Variants in PDE4D observed in about 807,000 individuals in gnomAD.
The protein encoded by PDE4D is 3',5'-cyclic-AMP phosphodiesterase 4D.
In PDE4D, 24 loss-of-function variants were observed where a neutral mutation model predicts 87.4. The observed-to-expected ratio is 0.27, with a 90% CI of 0.20 to 0.39. The LOEUF is 0.39. Ranked by LOEUF, PDE4D falls within the 10% of genes least tolerant of loss-of-function variation. The pLI is 1.00. For missense variants in PDE4D, 714 were observed against 1,041.0 expected (o/e 0.69, Z 4.32); for synonymous variants, 384 against 383.2 (o/e 1.00, Z -0.02).
At chr5:59,464,388 C>T (rs1044233519) in intron 1 of PDE4D, among the ~76,000 whole-genome samples, 2 of 152,224 alleles carry the variant, frequency 1.3e-5, no homozygotes, top group African/African-American at 2.4e-5. Flanking sequence ...GTGGGACATG[C>T]GGGCAGCAAT....
chr5:59,374,115 T>C (rs1784350074), intron 1 of PDE4D, among the ~76,000 whole-genome samples: 1 of 152,082 alleles, frequency 6.6e-6, no homozygotes, highest in Non-Finnish European at 1.5e-5. Context: ...AACAACCATA[T>C]AAACAAGTCT....
chr5:59,948,886 C>G (rs1347383557), intron 3 of PDE4D, among the ~76,000 whole-genome samples: 3 of 152,194 alleles, frequency 2.0e-5, no homozygotes, highest in Non-Finnish European at 4.4e-5. Flanking sequence ...TCTCCTTGGG[C>G]CCCAACTGGT....
chr5:59,555,754 C>T (rs1818800544), intron 1 of PDE4D, among the ~76,000 whole-genome samples: 1 of 152,106 alleles, frequency 6.6e-6, no homozygotes, highest in Non-Finnish European at 1.5e-5. Context: ...ACACCATTGA[C>T]AGTTTGGGAT....
intron 1 of PDE4D, among the ~76,000 whole-genome samples, chr5:59,880,827 C>T (rs183220526): frequency 1.3e-5 from 2 of 152,252 alleles, no homozygotes; most frequent in Middle Eastern, 6.8e-3. Flanking sequence ...TCCCTAAATA[C>T]ATTTTTTTCT....
chr5:59,659,393 G>A (rs1249921969), intron 1 of PDE4D, among the ~76,000 whole-genome samples: 3 of 152,220 alleles, frequency 2.0e-5, no homozygotes, highest in Admixed American at 6.5e-5. Flanking sequence ...CTTAGGAACT[G>A]AGTGTTAGTA....
Position 59,830,581 on chromosome 5 carries a change from T to A in PDE4D, c.455+62587A>T, listed in dbSNP as rs78730258. Among the ~76,000 whole-genome samples the A allele has an allele frequency of 7.3e-3, 1,108 of 152,238 alleles. 10 individuals carry two copies. Among genetic ancestry groups the A allele is most frequent in the Non-Finnish European group, 0.011 (723 of 67,968 alleles). On this transcript the variant is annotated intron_variant, in intron 1 of 14. Coordinates refer to ENST00000340635, the MANE Select transcript of PDE4D (RefSeq NM_001104631.2). ...TATCTTTGTTATTGTCATCATCATC[T>A]TCATGTAGCCTTTACCAAATACCTT...
chr5:59,002,755 C>T (rs572478440), intron 6 of PDE4D, among the ~76,000 whole-genome samples: 1 of 152,266 alleles, frequency 6.6e-6, no homozygotes, highest in Non-Finnish European at 1.5e-5. Context: ...AATGTCTAGC[C>T]AAGACCAGTT....
chr5:59,726,812 T>C (rs1192256556), intron 1 of PDE4D, among the ~76,000 whole-genome samples: 2 of 152,116 alleles, frequency 1.3e-5, no homozygotes, highest in Non-Finnish European at 2.9e-5. Context: ...AACACACATA[T>C]ACACTTGCAT....
Position 60,073,237 on chromosome 5 carries a change from A to G in PDE4D, c.43-84520T>C, listed in dbSNP as rs555110007. The stretch of plus-strand genomic sequence containing the variant: ...TTAACATGAAGAGGTGATGAATTTT[A>G]TCAAAAGCCTTTGTGCATCTATTAC... On this transcript the variant is annotated intron_variant, in intron 2 of 16. Transcript: ENST00000502484. Among the ~76,000 whole-genome samples, 307 of 152,170 alleles carry G rather than the reference A, an allele frequency of 2.0e-3. 2 individuals carry two copies. Among genetic ancestry groups the G allele is most frequent in the African/African-American group, 6.8e-3 (281 of 41,514 alleles).
chr5:59,058,323 G>T (rs753884535), intron 5 of PDE4D, among the ~76,000 whole-genome samples: 3 of 152,114 alleles, frequency 2.0e-5, no homozygotes, highest in Non-Finnish European at 4.4e-5. Context: ...CCAGGGGAGA[G>T]AAATCCCTAA....
intron 1 of PDE4D, among the ~76,000 whole-genome samples, chr5:59,502,663 A>AGTGT (rs56100725): frequency 0.033 from 4,494 of 135,188 alleles, 61 homozygotes; most frequent in African/African-American, 0.041. Context: ...TCCTTAAGGT[A>AGTGT]GTGTGTGTGT....
chr5:59,320,279 A>G (rs1333201994), intron 1 of PDE4D, among the ~76,000 whole-genome samples: 1 of 152,062 alleles, frequency 6.6e-6, no homozygotes, highest in Non-Finnish European at 1.5e-5. Flanking sequence ...TGAACAGTAA[A>G]ACACTTAGAA....
upstream of PDE4D, among the ~76,000 whole-genome samples, chr5:59,894,059 C>T (rs1751376379): frequency 6.6e-6 from 1 of 152,162 alleles, no homozygotes; most frequent in South Asian, 2.1e-4. Context: ...CACCGGAACC[C>T]TGATCCCGGA....
At chr5:59,479,076 CA>C (rs1169360847) in intron 1 of PDE4D, among the ~76,000 whole-genome samples, 5 of 151,900 alleles carry the variant, frequency 3.3e-5, no homozygotes, top group Non-Finnish European at 5.9e-5. Context: ...GTTAACATGA[CA>C]AAAGTATTCA....
intron 1 of PDE4D, among the ~76,000 whole-genome samples, chr5:59,462,024 C>G (rs1800855377): frequency 1.3e-5 from 2 of 152,100 alleles, no homozygotes. Flanking sequence ...AAGAAGTATT[C>G]TTAGCTATTC....
intron 1 of PDE4D, among the ~76,000 whole-genome samples, chr5:59,219,195 TA>T (rs11351473): frequency 0.16 from 21,684 of 139,852 alleles, 2,812 homozygotes; most frequent in East Asian, 0.45. Context: ...AAAGTATAAT[TA>T]AAAAAAAAAA....
chr5:59,042,506 C>T (rs893804287), intron 5 of PDE4D, among the ~76,000 whole-genome samples: 1 of 152,194 alleles, frequency 6.6e-6, no homozygotes, highest in Non-Finnish European at 1.5e-5. Context: ...CCCTCAACCC[C>T]TGCCAGAGTA....
chr5:59,565,527 C>T (rs1401223855), intron 1 of PDE4D, among the ~76,000 whole-genome samples: 1 of 152,060 alleles, frequency 6.6e-6, no homozygotes, highest in African/African-American at 2.4e-5. Context: ...TACAAAAATG[C>T]TCTAAAACAA....
At chr5:59,575,282 T>C (rs1473847479) in intron 1 of PDE4D, among the ~76,000 whole-genome samples, 7 of 152,082 alleles carry the variant, frequency 4.6e-5, no homozygotes, top group African/African-American at 9.7e-5. Flanking sequence ...TGATGAAAAG[T>C]AATTAAAATG....
Sources: gnomAD v4.1 joint callset for allele counts (sites outside exome capture counted in the v4.1 genomes callset) on GRCh38, gnomAD v4.1.1 for gene constraint, MANE v1.5 for transcripts, NCBI Gene and HGNC (gene_info 2026-07-23, HGNC 2026-07-21) for gene names.